TNFRSF14: variants seen among roughly 807,000 people sequenced by gnomAD.
TNFRSF14 encodes the protein tumor necrosis factor receptor superfamily member 14.
Under a neutral mutation model 34.1 loss-of-function variants are expected in TNFRSF14, and 18 were observed. That is an observed-to-expected ratio of 0.53 (90% CI 0.36 to 0.78). The LOEUF is 0.78. Among genes scored for constraint, TNFRSF14 ranks in the 30% least tolerant of loss-of-function variants. The pLI is 0.00. For missense variants in TNFRSF14, 352 were observed against 379.5 expected (o/e 0.93, Z 0.60); for synonymous variants, 157 against 153.2 (o/e 1.02, Z -0.18).
Position 2,559,989 on chromosome 1 carries a change from G to A in TNFRSF14, c.460+11G>A. On this transcript the variant is annotated intron_variant, in intron 4 of 7. Coordinates refer to ENST00000355716, the MANE Select transcript of TNFRSF14 (RefSeq NM_003820.4). ...GGGTGCAGAAGGGAGGTAAGCGGTG[G>A]GTGGCGGACACCCCTCCCATTTCCA... 2 of 1,534,698 alleles carry A rather than the reference G, an allele frequency of 1.3e-6. No individual in the cohort carries two copies.
In TNFRSF14 at chr1:2,561,464, T is replaced by C. The variant is rs984404802; in HGVS notation, c.552-209T>C. 1.3e-6 allele frequency: 2 copies of C among 1,490,762 alleles called. No homozygotes were observed. Among genetic ancestry groups the C allele is most frequent in the Non-Finnish European group, 1.8e-6 (2 of 1,115,720 alleles). The allele number at this position is 1,490,762 out of a possible 1,614,324, so 92.3% of individuals were successfully genotyped here. On this transcript the variant is annotated intron_variant, in intron 5 of 7. Transcript: ENST00000355716. This position sits in a 1 kb window ranked among gnomAD's most constrained non-coding sequence, Gnocchi z 6.0. Reference sequence around the variant, plus strand: ...GCCCAGTCTCTCCTTGTTTCTCTTCTCCTCCTTCCTTCTCTCCACCTCCCC... The same window carrying C: ...GCCCAGTCTCTCCTTGTTTCTCTTCCCCTCCTTCCTTCTCTCCACCTCCCC...
intron 1 of TNFRSF14, 126 bp downstream of exon 1, chr1:2,556,859 G>GGCAGCAGGGGA: frequency 4.2e-6 from 4 of 953,390 alleles, no homozygotes; most frequent in Non-Finnish European, 6.2e-6. Context: ...CCCGTCCCCT[G>GGCAGCAGGGGA]CTGCCTGGGG....
Position 2,561,108 on chromosome 1 carries a change from A to G in TNFRSF14, c.551+394A>G, listed in dbSNP as rs1481366081. ...CTGCTCTTTGTCCACCTTCGGGAGG[A>G]CACCTTCAAATGCTGACCCTGGGCC... On this transcript the variant is annotated intron_variant, in intron 5 of 7. Coordinates refer to ENST00000355716, the MANE Select transcript of TNFRSF14 (RefSeq NM_003820.4). This position sits in a 1 kb window ranked among gnomAD's most constrained non-coding sequence, Gnocchi z 6.0. 3.1e-6 allele frequency: 1 copy of G among 321,740 alleles called. No homozygotes were observed. The highest frequency in any genetic ancestry group is 2.1e-5 in the African/African-American group (1 of 47,260). The allele number at this position is 321,740 out of a possible 1,614,324, so 19.9% of individuals were successfully genotyped here.
At chr1:2,557,569 G>T (rs1644236084) in intron 1 of TNFRSF14, among the ~76,000 whole-genome samples, 157 bp from the exon 2 acceptor site, 1 of 152,170 alleles carries the variant, frequency 6.6e-6, no homozygotes, top group Non-Finnish European at 1.5e-5. Context: ...CGGCAAGGTT[G>T]TTCCATGAGC....
At position 2,563,169 on chromosome 1, in the gene TNFRSF14, G is replaced by C; in HGVS notation, c.748G>C (p.Gly250Arg). Reference protein sequence around the residue: ...SVQRKRQEAEGEATVIEALQA... With the variant: ...SVQRKRQEAEREATVIEALQA... ...ACAGCGGAAAAGACAGGAGGCAGAA[G>C]GTGAGGCCACAGTCATTGAGGCCCT... The change falls in exon 8 of 8, where the codon GGT becomes CGT. Residue 250 changes from glycine (G) to arginine (R), a missense_variant. Transcript: ENST00000355716. 6.2e-7 allele frequency: 1 copy of C among 1,613,528 alleles called. No homozygotes were observed. Among genetic ancestry groups the C allele is most frequent in the Non-Finnish European group, 8.5e-7 (1 of 1,180,002 alleles).
intron 3 of TNFRSF14, chr1:2,559,061 C>A: frequency 7.3e-7 from 1 of 1,369,316 alleles, no homozygotes; most frequent in Non-Finnish European, 9.6e-7. Flanking sequence ...CTCAGCATGG[C>A]CAGTGCTCCC....
intron 1 of TNFRSF14, chr1:2,557,059 G>C: frequency 2.8e-6 from 1 of 351,686 alleles, no homozygotes. Flanking sequence ...GGGCGTCTCT[G>C]GGCGGGGCCC....
intron 1 of TNFRSF14, among the ~76,000 whole-genome samples, chr1:2,557,506 G>A (rs1014037123): frequency 7.9e-5 from 12 of 152,144 alleles, no homozygotes; most frequent in Admixed American, 2.0e-4. Flanking sequence ...GCCAGGCAGC[G>A]TCATCAGGGC....
Position 2,556,543 on chromosome 1 carries a change from G to C in TNFRSF14, c.-122G>C. 9.8e-7 allele frequency: 1 copy of C among 1,019,332 alleles called. No homozygotes were observed. Among genetic ancestry groups the C allele is most frequent in the East Asian group, 2.6e-5 (1 of 38,642 alleles). The allele number at this position is 1,019,332 out of a possible 1,614,324, so 63.1% of individuals were successfully genotyped here. A position where few individuals can be genotyped will look rare whatever the true frequency, so the allele number is the denominator to read the frequency against. On this transcript the variant is annotated 5_prime_UTR_variant, in exon 1 of 8. Transcript: ENST00000355716. ...TCTGAGGCACAGCTTGTCACACCGA[G>C]GCGGATTCTCTTTCTCTTTCTCTTT...
At chr1:2,554,855 C>T (rs1378443683), upstream of TNFRSF14, 2 of 152,280 alleles carry the variant, frequency 1.3e-5, no homozygotes, top group Non-Finnish European at 2.9e-5. This position sits in a 1 kb window ranked among gnomAD's most constrained non-coding sequence, Gnocchi z 4.2. Flanking sequence ...GGCGCTGTGT[C>T]TGCTCTTGGA....
Position 2,559,948 on chromosome 1 carries a change from T to C in TNFRSF14, c.430T>C (p.Ser144Pro), listed in dbSNP as rs1243041247. The change falls in exon 4 of 8, where the codon TCC becomes CCC. Residue 144 changes from serine (S) to proline (P), a missense_variant. By Grantham distance (74) the Ser-to-Pro change is moderately conservative. Coordinates refer to ENST00000355716, the MANE Select transcript of TNFRSF14 (RefSeq NM_003820.4). The stretch of plus-strand genomic sequence containing the variant: ...CGCCGCGTGCCGCGCTTACGCCACC[T>C]CCAGCCCGGGCCAGAGGGTGCAGAA... ...HCAACRAYAT[S>P]SPGQRVQKGG... The C allele has an allele frequency of 1.3e-6, 2 of 1,590,216 alleles. No individual in the cohort carries two copies. Among genetic ancestry groups the C allele is most frequent in the Admixed American group, 3.5e-5 (2 of 57,948 alleles).
At chr1:2,560,504 G>C in intron 4 of TNFRSF14, 120 bp from the exon 5 acceptor site, 1 of 687,692 alleles carries the variant, frequency 1.5e-6, no homozygotes, top group Middle Eastern at 3.7e-4. Flanking sequence ...CCTCCCCGCT[G>C]GTCCTCCCAT....
chr1:2,559,911 C>T lies in TNFRSF14; in HGVS notation c.393C>T (p.Asp131=), dbSNP rs775395220. The change falls in exon 4 of 8, where the codon GAC becomes GAT. Residue 131 remains aspartate, a synonymous_variant. Transcript: ENST00000355716. ...CAGGCCACTTCTGCATCGTCCAGGA[C>T]GGGGACCACTGCGCCGCGTGCCGCG... ...CSPGHFCIVQ[D]GDHCAACRAY... The T allele has an allele frequency of 2.5e-5, 40 of 1,602,892 alleles. No homozygotes were observed. The highest frequency in any genetic ancestry group is 3.0e-5 in the Non-Finnish European group (35 of 1,175,250).
intron 1 of TNFRSF14, 92 bp downstream of exon 1, chr1:2,556,825 G>A: frequency 3.0e-6 from 4 of 1,322,582 alleles, no homozygotes; most frequent in South Asian, 3.0e-5. Context: ...CCCTGTCCTG[G>A]CCGTTGCTGG....
At chr1:2,558,210 T>G in intron 2 of TNFRSF14, 133 bp from the exon 3 acceptor site, 1 of 1,339,308 alleles carries the variant, frequency 7.5e-7, no homozygotes, top group Non-Finnish European at 9.9e-7. Flanking sequence ...CTGTGTCCCG[T>G]GGGGCTCATG....
rs1370047090 is a variant in TNFRSF14, at chr1:2,562,911, C to T, written c.726+15C>T. ...TCTCCGTCCAGGTATTGATCCTCCT[C>T]CCCCTCTCCCTCCCCCCTCCACCTT... On this transcript the variant is annotated intron_variant, in intron 7 of 7. Coordinates refer to ENST00000355716, the MANE Select transcript of TNFRSF14 (RefSeq NM_003820.4). The T allele has an allele frequency of 1.2e-6, 2 of 1,610,746 alleles. No homozygotes were observed. Among genetic ancestry groups the T allele is most frequent in the Non-Finnish European group, 1.7e-6 (2 of 1,177,340 alleles).
At position 2,556,533 on chromosome 1, in the gene TNFRSF14, G is replaced by C. The variant is rs771619106; in HGVS notation, c.-132G>C. The C allele has an allele frequency of 4.6e-5, 44 of 952,774 alleles. No homozygotes were observed. The highest frequency in any genetic ancestry group is 6.3e-5 in the Non-Finnish European group (38 of 604,658). The allele number at this position is 952,774 out of a possible 1,614,324, so 59.0% of individuals were successfully genotyped here. A position where few individuals can be genotyped will look rare whatever the true frequency, so the allele number is the denominator to read the frequency against. On this transcript the variant is annotated 5_prime_UTR_variant, in exon 1 of 8. Transcript: ENST00000355716. ...CTGCTCGGGTTCTGAGGCACAGCTTGTCACACCGAGGCGGATTCTCTTTCT... is the reference window on the plus strand; with the variant it reads ...CTGCTCGGGTTCTGAGGCACAGCTTCTCACACCGAGGCGGATTCTCTTTCT...
intron 4 of TNFRSF14, among the ~76,000 whole-genome samples, 176 bp downstream of exon 4, chr1:2,560,154 G>C (rs1000783418): frequency 6.6e-6 from 1 of 152,176 alleles, no homozygotes; most frequent in African/African-American, 2.4e-5. Context: ...GCCCAGTGGG[G>C]AACAGGTGAT....
rs527295687 is a variant in TNFRSF14, at chr1:2,563,361, G to A, written c.*88G>A. On this transcript the variant is annotated 3_prime_UTR_variant, in exon 8 of 8. Coordinates refer to ENST00000355716, the MANE Select transcript of TNFRSF14 (RefSeq NM_003820.4). ...CCACCTGGCGGAACCACCGGAGCCC[G>A]GAGGCTTGGGGGCTCCGCCCTGGGC... 36 of 1,564,432 alleles carry A rather than the reference G, an allele frequency of 2.3e-5. No homozygotes were observed. Among genetic ancestry groups the A allele is most frequent in the East Asian group, 9.0e-5 (4 of 44,392 alleles).
Sources: gnomAD v4.1 joint callset for allele counts (sites outside exome capture counted in the v4.1 genomes callset) on GRCh38, gnomAD v4.1.1 for gene constraint, Gnocchi (gnomAD v3.1) non-coding constraint, MANE v1.5 for transcripts, NCBI Gene and HGNC (gene_info 2026-07-23, HGNC 2026-07-21) for gene names.